The following BAZ2B variants were observed in gnomAD, a reference collection of about 807,000 sequenced individuals.
The protein encoded by BAZ2B is bromodomain adjacent to zinc finger domain 2B.
A neutral mutation model predicts 246.0 loss-of-function variants in BAZ2B; 91 were observed. The ratio of observed to expected loss-of-function variants is 0.37; its 90% CI spans 0.31 to 0.44. BAZ2B has a LOEUF of 0.44. Among genes scored for constraint, BAZ2B ranks in the 20% least tolerant of loss-of-function variants. The pLI is 1.00. For missense variants in BAZ2B, 2,332 were observed against 2,533.7 expected (o/e 0.92, Z 1.71); for synonymous variants, 855 against 860.0 (o/e 0.99, Z 0.10).
chr2:159,568,887 T>C (rs1332449543), intron 1 of BAZ2B, among the ~76,000 whole-genome samples: 1 of 152,206 alleles, frequency 6.6e-6, no homozygotes, highest in East Asian at 1.9e-4. Flanking sequence ...AATATCTAAA[T>C]TTGATTAGGC....
chr2:159,484,949 A>G (rs1219954149), intron 2 of BAZ2B, among the ~76,000 whole-genome samples: 1 of 152,216 alleles, frequency 6.6e-6, no homozygotes, highest in Non-Finnish European at 1.5e-5. Flanking sequence ...TTGTACTAAC[A>G]GTAGCAAAAG....
intron 2 of BAZ2B, among the ~76,000 whole-genome samples, chr2:159,551,560 C>A (rs2088255981): frequency 6.6e-6 from 1 of 150,824 alleles, no homozygotes; most frequent in South Asian, 2.1e-4. Context: ...TAAAATATAG[C>A]CACTATAATA....
At chr2:159,503,926 C>T (rs1396204359) in intron 2 of BAZ2B, among the ~76,000 whole-genome samples, 1 of 152,100 alleles carries the variant, frequency 6.6e-6, no homozygotes, top group South Asian at 2.1e-4. Context: ...TTCAAAAGTT[C>T]CCACAAAGTA....
Position 159,427,904 on chromosome 2 carries a change from T to C in BAZ2B, c.2466+37A>G, listed in dbSNP as rs772965466. 8 of 1,535,374 alleles carry C rather than the reference T, an allele frequency of 5.2e-6. No individual in the cohort carries two copies. In the Admixed American group the frequency reaches 1.2e-4, roughly 23 times the overall value. ...CTTCATTTAGGTTATGGTACTACTT[T>C]TTGGTTCAAAGACTATACTTTTTAA... On this transcript the variant is annotated intron_variant, in intron 13 of 36. Transcript: ENST00000392783.
At chr2:159,451,544 A>C (rs1222315952) in intron 4 of BAZ2B, among the ~76,000 whole-genome samples, 1 of 152,204 alleles carries the variant, frequency 6.6e-6, no homozygotes, top group East Asian at 1.9e-4. Flanking sequence ...CCCATTTGGC[A>C]AAAAGTATGC....
In BAZ2B at chr2:159,426,390, A is replaced by G. The variant is rs139246861; in HGVS notation, c.2466+1551T>C. ...TAAATAATACAAGTAAGAATCTGAT[A>G]ACATGAAACAAAGACTTTTAAAACG... On this transcript the variant is annotated intron_variant, in intron 13 of 36. Transcript: ENST00000392783. Among the ~76,000 whole-genome samples, 12 of 152,294 alleles carry G rather than the reference A, an allele frequency of 7.9e-5. No homozygotes were observed. The East Asian group carries it at 2.3e-3, about 29-fold the overall frequency.
the BAZ2B span, among the ~76,000 whole-genome samples, chr2:159,638,076 C>G: frequency 2.6e-5 from 4 of 151,954 alleles, no homozygotes; most frequent in Non-Finnish European, 4.4e-5. Flanking sequence ...ACTCAGCACA[C>G]AGAGAGAGAG....
At chr2:159,349,305 T>C in intron 28 of BAZ2B, 25 bp from the exon 29 acceptor site, 1 of 1,564,222 alleles carries the variant, frequency 6.4e-7, no homozygotes, top group South Asian at 1.2e-5. Flanking sequence ...CATTTATTAA[T>C]GAAAAGTAGA....
Position 159,438,573 on chromosome 2 carries a change from T to C in BAZ2B, c.1023A>G (p.Gln341=), listed in dbSNP as rs746177520. The C allele has an allele frequency of 2.5e-5, 40 of 1,614,028 alleles. No individual in the cohort carries two copies. Among genetic ancestry groups the C allele is most frequent in the Middle Eastern group, 1.6e-4 (1 of 6,084 alleles). Residue 341 remains glutamine, a synonymous_variant, in exon 8 of 37, where the codon CAA becomes CAG. Coordinates refer to ENST00000392783, the MANE Select transcript of BAZ2B (RefSeq NM_013450.4). The stretch of plus-strand genomic sequence containing the variant: ...AAACCTGAGGCTGCTTCTGCTGGGA[T>C]TGGAATGAGTGAGTCTGGGATTCAG... ...LASESQTHSF[Q]SQQKQPQVLS... is the part of the protein sequence containing the mutation.
chr2:159,515,530 G>A (rs1266335939), intron 2 of BAZ2B, among the ~76,000 whole-genome samples: 1 of 152,030 alleles, frequency 6.6e-6, no homozygotes, highest in Admixed American at 6.6e-5. Flanking sequence ...GTTTTCCTAT[G>A]TGCAGAGTCA....
intron 32 of BAZ2B, among the ~76,000 whole-genome samples, chr2:159,337,301 C>T (rs372451214): frequency 8.5e-5 from 13 of 152,166 alleles, no homozygotes; most frequent in African/African-American, 2.4e-4. Context: ...GGATTATCAA[C>T]GCACATAACA....
chr2:159,483,510 C>T (rs984388430), intron 2 of BAZ2B, among the ~76,000 whole-genome samples: 2 of 152,170 alleles, frequency 1.3e-5, no homozygotes, highest in African/African-American at 2.4e-5. Flanking sequence ...GGCGCGGTGG[C>T]TCACGCCTGT....
At chr2:159,633,826 G>A in the BAZ2B span, among the ~76,000 whole-genome samples, 1 of 145,848 alleles carries the variant, frequency 6.9e-6, no homozygotes, top group Admixed American at 7.1e-5. Context: ...CTGCAACTCT[G>A]CTTCCCAGGT....
intron 16 of BAZ2B, among the ~76,000 whole-genome samples, chr2:159,403,322 T>C (rs1264775014): frequency 1.3e-5 from 2 of 152,166 alleles, no homozygotes; most frequent in Non-Finnish European, 2.9e-5. Context: ...ACCAGTTCAT[T>C]TGCATTAATA....
intron 6 of BAZ2B, 130 bp downstream of exon 6, chr2:159,446,652 T>G: frequency 1.3e-6 from 1 of 763,906 alleles, no homozygotes; most frequent in Admixed American, 3.0e-5. Context: ...ACACCATAAA[T>G]CACGTATCTA....
At chr2:159,322,671 T>C (rs1001354335) in intron 36 of BAZ2B, among the ~76,000 whole-genome samples, 2 of 152,206 alleles carry the variant, frequency 1.3e-5, no homozygotes, top group East Asian at 1.9e-4. Flanking sequence ...ACAACTCATA[T>C]GTGTGTCCTT....
At chr2:159,656,099 TA>T in the BAZ2B span, among the ~76,000 whole-genome samples, 3 of 152,176 alleles carry the variant, frequency 2.0e-5, no homozygotes, top group Non-Finnish European at 4.4e-5. Flanking sequence ...TATTTATTTT[TA>T]GTAACTTGCC....
chr2:159,594,370 G>A (rs972184200), intron 1 of BAZ2B, among the ~76,000 whole-genome samples: 4 of 152,084 alleles, frequency 2.6e-5, no homozygotes, highest in South Asian at 2.1e-4. Context: ...TCGCGCCACC[G>A]CGCTCCAGCC....
intron 2 of BAZ2B, among the ~76,000 whole-genome samples, chr2:159,541,772 C>A (rs1247375533): frequency 6.6e-6 from 1 of 151,870 alleles, no homozygotes; most frequent in African/African-American, 2.4e-5. Context: ...TTCTTTTTTT[C>A]TTCATATGCC....
Sources: allele counts gnomAD v4.1 joint callset (sites outside exome capture counted in the v4.1 genomes callset), GRCh38; gene constraint gnomAD v4.1.1; transcripts MANE v1.5; gene names NCBI Gene and HGNC (gene_info 2026-07-23, HGNC 2026-07-21).